ZNF423: variants seen among roughly 807,000 people sequenced by gnomAD.
ZNF423 encodes the protein Ebf-associated zinc finger protein.
Under a neutral mutation model 95.8 loss-of-function variants are expected in ZNF423, and 12 were observed. The ratio of observed to expected loss-of-function variants is 0.13; its 90% CI spans 0.08 to 0.20. The LOEUF is 0.20. Among genes scored for constraint, ZNF423 ranks in the 10% least tolerant of loss-of-function variants. The pLI is 1.00. For missense variants in ZNF423, 1,316 were observed against 1,737.1 expected (o/e 0.76, Z 4.31); for synonymous variants, 749 against 711.9 (o/e 1.05, Z -0.83).
intron 3 of ZNF423, among the ~76,000 whole-genome samples, chr16:49,674,445 C>G (rs992248180): frequency 3.5e-4 from 54 of 152,312 alleles, no homozygotes; most frequent in African/African-American, 1.3e-3. Flanking sequence ...CGTCATCCCA[C>G]TTTACAAGGG....
Position 49,635,873 on chromosome 16 carries a change from G to A in ZNF423, c.3303C>T (p.Ala1101=), listed in dbSNP as rs201584755. 6.9e-5 allele frequency: 109 copies of A among 1,585,058 alleles called. 1 individual carries two copies. The East Asian group carries it at 9.0e-4, about 13-fold the overall frequency. ...DVNGLPYGLC[A]GCMARSANGQ... is the part of the protein sequence containing the mutation. ...CGTTGGCGCTGCGGGCCATGCAGCC[G>A]GCGCAGAGGCCGTAGGGCAGCCCAT... Residue 1101 remains alanine (A), a synonymous_variant, in exon 4 of 8, where the codon GCC becomes GCT. Coordinates refer to ENST00000563137, the MANE Select transcript of ZNF423 (RefSeq NM_001379286.1). This position sits in a 1 kb window ranked among gnomAD's most constrained non-coding sequence, Gnocchi z 4.8.
At chr16:49,508,027 G>A (rs1348504434) in intron 7 of ZNF423, among the ~76,000 whole-genome samples, 1 of 152,174 alleles carries the variant, frequency 6.6e-6, no homozygotes, top group Non-Finnish European at 1.5e-5. Context: ...GCCGGGGCTG[G>A]TGGCCTGGGT....
chr16:49,574,902 G>A (rs1481640167), intron 5 of ZNF423, among the ~76,000 whole-genome samples: 1 of 152,174 alleles, frequency 6.6e-6, no homozygotes, highest in Admixed American at 6.5e-5. Flanking sequence ...ACATGCCAGC[G>A]GAGGAGGTGG....
intron 3 of ZNF423, among the ~76,000 whole-genome samples, chr16:49,662,114 C>T (rs1334288638): frequency 6.6e-6 from 1 of 152,210 alleles, no homozygotes. Context: ...ACCCCCACTC[C>T]CAGGTTACCC....
intron 3 of ZNF423, among the ~76,000 whole-genome samples, chr16:49,716,299 C>G (rs1182763344): frequency 6.6e-6 from 1 of 152,126 alleles, no homozygotes; most frequent in Non-Finnish European, 1.5e-5. Flanking sequence ...CTGACCTCAT[C>G]ACCCCCATCA....
At chr16:49,653,561 G>A (rs552402866) in intron 3 of ZNF423, among the ~76,000 whole-genome samples, 462 of 152,258 alleles carry the variant, frequency 3.0e-3, no homozygotes, top group Non-Finnish European at 4.5e-3. Context: ...ACATGCTCAG[G>A]AGCCTCTGAG....
intron 3 of ZNF423, among the ~76,000 whole-genome samples, chr16:49,659,720 G>T (rs1327268909): frequency 6.6e-6 from 1 of 152,228 alleles, no homozygotes; most frequent in African/African-American, 2.4e-5. Flanking sequence ...CACACGAGGG[G>T]CTTCAGGTGC....
In ZNF423 at chr16:49,637,872, A is replaced by G; in HGVS notation, c.1304T>C (p.Ile435Thr). 6.2e-7 allele frequency: 1 copy of G among 1,614,082 alleles called. No homozygotes were observed. Among genetic ancestry groups the G allele is most frequent in the Admixed American group, 1.7e-5 (1 of 60,026 alleles). ...RDFNSLAVLE[I>T]HLKTIHADKP... Reference sequence around the variant, plus strand: ...GTCCGCGTGGATGGTCTTCAGGTGGATCTCCAGCACGGCCAGGCTGTTAAA... The same window carrying G: ...GTCCGCGTGGATGGTCTTCAGGTGGGTCTCCAGCACGGCCAGGCTGTTAAA... Residue 435 changes from isoleucine (I) to threonine (T), a missense_variant, in exon 4 of 8, where the codon ATC becomes ACC. Around this residue, in one of 6 missense-constraint regions of ZNF423, gnomAD observed 399 missense variants for 478.5 expected, o/e 0.83. Transcript: ENST00000563137. The surrounding 1 kb of genome is among the most constrained non-coding windows in gnomAD (Gnocchi z 5.6).
intron 3 of ZNF423, among the ~76,000 whole-genome samples, chr16:49,686,976 C>T (rs1418387955): frequency 1.3e-5 from 2 of 152,006 alleles, no homozygotes; most frequent in South Asian, 2.1e-4. Flanking sequence ...TCTCTGTCTG[C>T]CCCAGGGTCT....
Position 49,855,330 on chromosome 16 carries a change from C to CCCG in ZNF423, c.40+402_40+404dup, listed in dbSNP as rs1305779763. 2.6e-5 allele frequency among the ~76,000 whole-genome samples: 4 copies of CCCG among 151,214 alleles called. No homozygotes were observed. The highest frequency in any genetic ancestry group is 2.0e-4 in the East Asian group (1 of 5,100). ...GCCTCTTCCTTCCTCCTGTCGCCCG[C>CCCG]CCGCCGCCGCCGAGATTCGCAATCC... On this transcript the variant is annotated intron_variant, in intron 1 of 7. Transcript: ENST00000563137. The surrounding 1 kb of genome is among the most constrained non-coding windows in gnomAD (Gnocchi z 4.7).
Position 49,636,156 on chromosome 16 carries a change from C to T in ZNF423, c.3020G>A (p.Ser1007Asn), listed in dbSNP as rs1260167643. Reference sequence around the variant, plus strand: ...GCAGTGCTCAATAAACTCCTCCTCGCTCTGCAGGGGCATCTTGCAGATGCG... The same window carrying T: ...GCAGTGCTCAATAAACTCCTCCTCGTTCTGCAGGGGCATCTTGCAGATGCG... ...TCRICKMPLQ[S>N]EEEFIEHCQM... Residue 1007 changes from serine to asparagine, a missense_variant, in exon 4 of 8, where the codon AGC becomes AAC. Ser to Asn is a conservative substitution (Grantham distance 46). Coordinates refer to ENST00000563137, the MANE Select transcript of ZNF423 (RefSeq NM_001379286.1). The surrounding 1 kb of genome is among the most constrained non-coding windows in gnomAD (Gnocchi z 8.6). 26 of 1,613,696 alleles carry T rather than the reference C, an allele frequency of 1.6e-5. No homozygotes were observed. The highest frequency in any genetic ancestry group is 8.8e-5 in the South Asian group (8 of 91,086).
chr16:49,579,940 T>C (rs1970615954), intron 5 of ZNF423, among the ~76,000 whole-genome samples: 1 of 152,082 alleles, frequency 6.6e-6, no homozygotes, highest in Non-Finnish European at 1.5e-5. Context: ...AAATTATACC[T>C]TGACGCAGCC....
chr16:49,612,409 T>TAAAAAAAAAAAAAA (rs35731470), intron 5 of ZNF423, among the ~76,000 whole-genome samples: 2 of 128,960 alleles, frequency 1.6e-5, no homozygotes, highest in African/African-American at 2.8e-5. Context: ...ATAGGTACAG[T>TAAAAAAAAAAAAAA]AAAAAAAAAA....
chr16:49,638,556 C>T lies in ZNF423; in HGVS notation c.620G>A (p.Cys207Tyr). Reference protein sequence around the residue: ...TGDKKYHCHECEAAFSRSDHL... With the variant: ...TGDKKYHCHEYEAAFSRSDHL... ...GTCGCTGCGGGAGAAGGCTGCCTCG[C>T]ACTCGTGGCAGTGATACTTCTTGTC... The change falls in exon 4 of 8, where the codon TGC (cysteine) becomes TAC (tyrosine). Residue 207 changes from cysteine (C) to tyrosine (Y), a missense_variant. Around this residue, in one of 6 missense-constraint regions of ZNF423, gnomAD observed 58 missense variants for 116.9 expected, o/e 0.50. Coordinates refer to ENST00000563137, the MANE Select transcript of ZNF423 (RefSeq NM_001379286.1). The surrounding 1 kb of genome is among the most constrained non-coding windows in gnomAD (Gnocchi z 5.6). 6.2e-7 allele frequency: 1 copy of T among 1,613,810 alleles called. No homozygotes were observed. Among genetic ancestry groups the T allele is most frequent in the Non-Finnish European group, 8.5e-7 (1 of 1,180,032 alleles).
At chr16:49,703,936 G>A (rs933882891) in intron 3 of ZNF423, among the ~76,000 whole-genome samples, 2 of 152,356 alleles carry the variant, frequency 1.3e-5, no homozygotes, top group African/African-American at 4.8e-5. Flanking sequence ...AGAGGTGAGT[G>A]AAGCAACTGA....
At chr16:49,731,649 C>CAAA (rs34479098) in intron 2 of ZNF423, among the ~76,000 whole-genome samples, 4 of 146,586 alleles carry the variant, frequency 2.7e-5, no homozygotes, top group Non-Finnish European at 3.0e-5. Context: ...TCTATCTCTA[C>CAAA]AAAAAAAAAA....
At chr16:49,541,060 C>T (rs1448189154) in intron 5 of ZNF423, among the ~76,000 whole-genome samples, 3 of 152,206 alleles carry the variant, frequency 2.0e-5, no homozygotes, top group African/African-American at 7.2e-5. Flanking sequence ...CAGGCACACT[C>T]CCTGCTCACC....
At chr16:49,808,755 GA>G (rs1403013707) in intron 1 of ZNF423, among the ~76,000 whole-genome samples, 5 of 152,214 alleles carry the variant, frequency 3.3e-5, no homozygotes, top group Non-Finnish European at 7.3e-5. Flanking sequence ...GCCGTTAGCA[GA>G]GGGGTGGAGA....
intron 5 of ZNF423, among the ~76,000 whole-genome samples, chr16:49,539,886 G>A (rs904954887): frequency 6.6e-6 from 1 of 152,230 alleles, no homozygotes; most frequent in Non-Finnish European, 1.5e-5. Context: ...GGGCTGGCAG[G>A]AGTTGGAGGC....
Sources: gnomAD v4.1 joint callset for allele counts (sites outside exome capture counted in the v4.1 genomes callset) on GRCh38, gnomAD v4.1.1 for gene constraint, gnomAD v4.1.1 regional missense constraint, Gnocchi (gnomAD v3.1) non-coding constraint, MANE v1.5 for transcripts, NCBI Gene and HGNC (gene_info 2026-07-23, HGNC 2026-07-21) for gene names.